ZNF722: variants seen among roughly 807,000 people sequenced by gnomAD.
ZNF722 encodes the protein zinc finger protein 722, also known as zinc finger protein 479 pseudogene.
At chr7:64,015,641 T>G in the ZNF722 span, 5 of 1,613,954 alleles carry the variant, frequency 3.1e-6, no homozygotes, top group Non-Finnish European at 4.2e-6. Flanking sequence ...GAATTCATAC[T>G]GGAGAGAGAC....
the ZNF722 span, among the ~76,000 whole-genome samples, chr7:64,000,560 C>T: frequency 1.4e-5 from 2 of 142,646 alleles, no homozygotes; most frequent in East Asian, 4.3e-4. Context: ...AAGTGATTCT[C>T]CTGCCTCAGC....
At chr7:64,005,240 A>G in the ZNF722 span, among the ~76,000 whole-genome samples, 1 of 152,122 alleles carries the variant, frequency 6.6e-6, no homozygotes, top group African/African-American at 2.4e-5. Context: ...TGGAGGTTGC[A>G]CTGAGCCAAG....
At chr7:64,000,448 T>C in the ZNF722 span, among the ~76,000 whole-genome samples, 3 of 107,838 alleles carry the variant, frequency 2.8e-5, no homozygotes, top group African/African-American at 1.1e-4. Flanking sequence ...TTTTTTTTTT[T>C]TTTTTTTTTT....
At chr7:64,016,050 C>A in the ZNF722 span, 1 of 659,200 alleles carries the variant, frequency 1.5e-6, no homozygotes, top group Non-Finnish European at 2.4e-6. Flanking sequence ...TAAGAGAATC[C>A]ATATTGGACA....
the ZNF722 span, among the ~76,000 whole-genome samples, chr7:64,000,787 G>C: frequency 9.9e-5 from 15 of 150,806 alleles, no homozygotes; most frequent in Non-Finnish European, 1.8e-4. Flanking sequence ...TTGGCGGGGG[G>C]AGCGGGAGCA....
the ZNF722 span, among the ~76,000 whole-genome samples, chr7:64,001,050 T>TACAGGC: frequency 6.6e-6 from 1 of 152,222 alleles, no homozygotes; most frequent in Non-Finnish European, 1.5e-5. Flanking sequence ...GTTCTGGGGT[T>TACAGGC]ACAGGCATGA....
chr7:64,016,075 G>A, the ZNF722 span: 1 of 580,534 alleles, frequency 1.7e-6, no homozygotes, highest in Middle Eastern at 4.6e-4. Flanking sequence ...TTTTATAAAT[G>A]TAAAAAAATG....
chr7:64,014,769 G>A, the ZNF722 span, among the ~76,000 whole-genome samples: 12 of 152,104 alleles, frequency 7.9e-5, no homozygotes, highest in Non-Finnish European at 4.4e-5. Flanking sequence ...GGCAAATGTA[G>A]CAGACTTTTC....
At chr7:64,003,205 A>G in the ZNF722 span, among the ~76,000 whole-genome samples, 3 of 152,220 alleles carry the variant, frequency 2.0e-5, no homozygotes, top group Non-Finnish European at 2.9e-5. Flanking sequence ...CCATTACTGT[A>G]AAGAACATTG....
the ZNF722 span, among the ~76,000 whole-genome samples, chr7:64,007,159 C>T: frequency 1.3e-4 from 19 of 149,654 alleles, no homozygotes; most frequent in African/African-American, 2.7e-4. Flanking sequence ...GATTTTGTTT[C>T]GCATTTTTCT....
the ZNF722 span, chr7:64,015,507 A>C: frequency 6.2e-7 from 1 of 1,612,974 alleles, no homozygotes; most frequent in Non-Finnish European, 8.5e-7. Flanking sequence ...GGAATGTGGC[A>C]AAGCCTTTAG....
At chr7:64,000,119 CTT>C in the ZNF722 span, among the ~76,000 whole-genome samples, 3 of 142,806 alleles carry the variant, frequency 2.1e-5, no homozygotes, top group African/African-American at 5.3e-5. Flanking sequence ...TTTTCCCTTA[CTT>C]TTTTTTTTTT....
At chr7:64,002,594 T>C in the ZNF722 span, among the ~76,000 whole-genome samples, 1 of 152,230 alleles carries the variant, frequency 6.6e-6, no homozygotes, top group Non-Finnish European at 1.5e-5. Context: ...GAAATAAAAA[T>C]GCTGTGCTCT....
chr7:64,003,220 T>A, the ZNF722 span, among the ~76,000 whole-genome samples: 42 of 152,298 alleles, frequency 2.8e-4, no homozygotes, highest in Admixed American at 2.3e-3. Context: ...ACATTGCTGG[T>A]GTCTGATAGG....
the ZNF722 span, chr7:64,015,567 C>G: frequency 1.2e-5 from 20 of 1,613,580 alleles, no homozygotes; most frequent in Non-Finnish European, 1.7e-5. Flanking sequence ...TGGAGAGAAA[C>G]CCTACACATG....
the ZNF722 span, among the ~76,000 whole-genome samples, chr7:64,007,353 T>C: frequency 9.1e-4 from 139 of 152,028 alleles, 1 homozygote; most frequent in African/African-American, 3.1e-3. Flanking sequence ...TAACTTGTCA[T>C]GTACATTAGG....
the ZNF722 span, among the ~76,000 whole-genome samples, chr7:64,000,435 C>CTTTTT: frequency 4.5e-5 from 1 of 22,166 alleles, no homozygotes; most frequent in Non-Finnish European, 1.1e-4. Flanking sequence ...CCATGCCCGG[C>CTTTTT]CTTTTTTTTT....
chr7:64,002,192 T>C, the ZNF722 span, among the ~76,000 whole-genome samples: 2 of 152,174 alleles, frequency 1.3e-5, no homozygotes, highest in Non-Finnish European at 1.5e-5. Context: ...CTTGTACTAT[T>C]TATGTCTCGA....
At chr7:64,004,434 A>C in the ZNF722 span, among the ~76,000 whole-genome samples, 1 of 127,026 alleles carries the variant, frequency 7.9e-6, no homozygotes, top group African/African-American at 3.1e-5. Context: ...AAATATATAT[A>C]TATATATATA....
Sources: gnomAD v4.1 joint callset for allele counts (sites outside exome capture counted in the v4.1 genomes callset) on GRCh38, gnomAD v4.1.1 for gene constraint, MANE v1.5 for transcripts, NCBI Gene and HGNC (gene_info 2026-07-23, HGNC 2026-07-21) for gene names.